The following CALD1 variants were observed in gnomAD, a reference collection of about 807,000 sequenced individuals.
The protein encoded by CALD1 is caldesmon 1.
A neutral mutation model predicts 99.9 loss-of-function variants in CALD1; 33 were observed. That is an observed-to-expected ratio of 0.33 (90% CI 0.25 to 0.44). The LOEUF (loss-of-function observed/expected upper bound fraction) is 0.44, where lower values mean the gene tolerates loss of function less well. Ranked by LOEUF, CALD1 falls within the 20% of genes least tolerant of loss-of-function variation. The pLI is 1.00. For missense variants in CALD1, 861 were observed against 962.1 expected (o/e 0.89, Z 1.39); for synonymous variants, 310 against 325.0 (o/e 0.95, Z 0.50).
chr7:134,882,874 G>C lies in CALD1; in HGVS notation c.71+15070G>C, dbSNP rs373793506. Among the ~76,000 whole-genome samples the C allele has an allele frequency of 2.6e-5, 4 of 152,190 alleles. No homozygotes were observed. In the East Asian group the frequency reaches 5.8e-4, roughly 22 times the overall value. On this transcript the variant is annotated intron_variant, in intron 3 of 14. Coordinates refer to ENST00000361675, the MANE Select transcript of CALD1 (RefSeq NM_033138.4). ...AGAAAAAGAAGAAAGTAATACATTA[G>C]AGCCCAATACTTTTTAATCAAGATA...
intron 3 of CALD1, among the ~76,000 whole-genome samples, chr7:134,899,298 G>A (rs987426309): frequency 1.3e-5 from 2 of 151,454 alleles, no homozygotes; most frequent in Admixed American, 6.6e-5. Context: ...CTGCCTCTCA[G>A]GTTCAAGCGA....
intron 2 of CALD1, among the ~76,000 whole-genome samples, chr7:134,856,070 G>C (rs1224079971): frequency 1.3e-5 from 2 of 152,212 alleles, no homozygotes; most frequent in Non-Finnish European, 2.9e-5. Context: ...TGCTGGAACA[G>C]CTTTCTTGTT....
At chr7:134,864,108 T>C (rs10247845) in intron 2 of CALD1, among the ~76,000 whole-genome samples, 100,154 of 151,860 alleles carry the variant, frequency 0.66, 33,492 homozygotes, top group East Asian at 0.94. Context: ...CCCAGCACTT[T>C]GGGAGGCCGA....
chr7:134,846,523 A>C (rs933028222), intron 2 of CALD1, among the ~76,000 whole-genome samples: 1 of 152,234 alleles, frequency 6.6e-6, no homozygotes, highest in African/African-American at 2.4e-5. Flanking sequence ...CCCTGCTAGC[A>C]TGATGCAAAT....
intron 1 of CALD1, among the ~76,000 whole-genome samples, chr7:134,818,071 A>G (rs982523561): frequency 4.6e-5 from 7 of 152,180 alleles, no homozygotes; most frequent in Non-Finnish European, 8.8e-5. Context: ...TTCCTTGAAG[A>G]AAGAGGCAAG....
chr7:134,902,973 T>C (rs1405975882), intron 3 of CALD1, among the ~76,000 whole-genome samples: 1 of 152,068 alleles, frequency 6.6e-6, no homozygotes, highest in African/African-American at 2.4e-5. Flanking sequence ...AATAGAATAT[T>C]ACTCAGAACC....
At chr7:134,866,703 T>A (rs1800815728) in intron 2 of CALD1, 2 of 152,154 alleles carry the variant, frequency 1.3e-5, no homozygotes, top group African/African-American at 4.8e-5. Context: ...CATGTGCACA[T>A]AAAGGGCTGG....
chr7:134,947,599 C>A lies in CALD1; in HGVS notation c.1624C>A (p.Arg542Ser). The change falls in exon 8 of 15, where the codon CGT becomes AGT. Residue 542 changes from arginine (R) to serine (S), a missense_variant. Coordinates refer to ENST00000361675, the MANE Select transcript of CALD1 (RefSeq NM_033138.4). ...AGKRLEELRR[R>S]RGETESEEFE... is the part of the protein sequence containing the mutation. ...CAAAAGGCTGGAGGAGCTTCGTCGT[C>A]GTCGCGGGGAGACCGAGAGCGAAGA... 5.1e-6 allele frequency: 8 copies of A among 1,561,402 alleles called. No individual in the cohort carries two copies. The highest frequency in any genetic ancestry group is 6.9e-6 in the Non-Finnish European group (8 of 1,152,482).
chr7:134,960,414 G>C, intron 12 of CALD1, 119 bp from the exon 13 acceptor site: 1 of 722,762 alleles, frequency 1.4e-6, no homozygotes, highest in Admixed American at 2.3e-5. Context: ...AATATCAAGT[G>C]TTAAGGTTTA....
chr7:134,938,097 A>G (rs1173604052), intron 6 of CALD1, among the ~76,000 whole-genome samples: 1 of 152,210 alleles, frequency 6.6e-6, no homozygotes, highest in Non-Finnish European at 1.5e-5. Flanking sequence ...ATCTGATTCC[A>G]TGAGGTCCAT....
At chr7:134,716,581 A>G in the CALD1 span, among the ~76,000 whole-genome samples, 1 of 152,360 alleles carries the variant, frequency 6.6e-6, no homozygotes, top group African/African-American at 2.4e-5. Context: ...AAATATAAGC[A>G]AAAATATAAA....
intron 1 of CALD1, among the ~76,000 whole-genome samples, chr7:134,825,340 T>C (rs1480936835): frequency 6.6e-6 from 1 of 152,220 alleles, no homozygotes; most frequent in Non-Finnish European, 1.5e-5. Context: ...TAAGAGAATG[T>C]AATGTACCCG....
chr7:134,914,654 G>A (rs1804071847), intron 3 of CALD1, among the ~76,000 whole-genome samples: 1 of 152,132 alleles, frequency 6.6e-6, no homozygotes, highest in Non-Finnish European at 1.5e-5. Flanking sequence ...AGATGGAATT[G>A]TGTGCTTTTC....
At chr7:134,772,349 C>A (rs1405890310) in intron 1 of CALD1, among the ~76,000 whole-genome samples, 1 of 152,172 alleles carries the variant, frequency 6.6e-6, no homozygotes, top group Non-Finnish European at 1.5e-5. Context: ...CCTGCCTCAG[C>A]CTCCCAAAAT....
chr7:134,792,872 T>G (rs1452400425), intron 1 of CALD1, among the ~76,000 whole-genome samples: 1 of 152,244 alleles, frequency 6.6e-6, no homozygotes, highest in Non-Finnish European at 1.5e-5. Flanking sequence ...CCACTGGGTC[T>G]AAGGGAATGC....
chr7:134,783,496 C>A lies in CALD1; in HGVS notation c.-130+3747C>A, dbSNP rs1393832660. Reference sequence around the variant, plus strand: ...GTCAGAGCATGTTTTGTGGTAAGGACCCACTCTGCTTCTCACCCCAAACTC... The same window carrying A: ...GTCAGAGCATGTTTTGTGGTAAGGAACCACTCTGCTTCTCACCCCAAACTC... On this transcript the variant is annotated intron_variant, in intron 1 of 14. Transcript: ENST00000361675. The surrounding 1 kb of genome is among the most constrained non-coding windows in gnomAD (Gnocchi z 4.3). 1.3e-5 allele frequency among the ~76,000 whole-genome samples: 2 copies of A among 152,102 alleles called. No homozygotes were observed. The highest frequency in any genetic ancestry group is 6.5e-5 in the Admixed American group (1 of 15,272).
rs1391884378 is a variant in CALD1 at position 134,965,330 on chromosome 7, A to G, written c.2320A>G (p.Ser774Gly). ...PSDLRPGDVS[S>G]KRNLWEKQSV... ...GGACTTGAGACCAGGAGACGTATCC[A>G]GCAAGCGGAACCTCTGGGAAAAGCA... The change falls in exon 14 of 15, where the codon AGC becomes GGC. Residue 774 changes from serine (S) to glycine (G), a missense_variant. Physicochemically the swap from Ser to Gly is moderately conservative, Grantham distance 56 (BLOSUM62 0). Around this residue, in one of 5 missense-constraint regions of CALD1, gnomAD observed 190 missense variants for 249.0 expected, o/e 0.76. Transcript: ENST00000361675. 9 of 1,593,364 alleles carry G rather than the reference A, an allele frequency of 5.6e-6. No homozygotes were observed. Among genetic ancestry groups the G allele is most frequent in the African/African-American group, 1.3e-5 (1 of 74,532 alleles).
In CALD1 at chr7:134,783,848, G is replaced by A. The variant is rs1279216299; in HGVS notation, c.-130+4099G>A. On this transcript the variant is annotated intron_variant, in intron 1 of 14. Transcript: ENST00000361675. This position sits in a 1 kb window ranked among gnomAD's most constrained non-coding sequence, Gnocchi z 4.3. ...TGATCTGGAAGGAAGAAAAGAGGGG[G>A]TAAATACACAGATATATAGGTGGAG... Among the ~76,000 whole-genome samples, 2 of 152,036 alleles carry A rather than the reference G, an allele frequency of 1.3e-5. No homozygotes were observed. Among genetic ancestry groups the A allele is most frequent in the African/African-American group, 2.4e-5 (1 of 41,388 alleles).
At chr7:134,725,244 C>T in the CALD1 span, among the ~76,000 whole-genome samples, 1 of 152,162 alleles carries the variant, frequency 6.6e-6, no homozygotes, top group Non-Finnish European at 1.5e-5. Context: ...TTCAATATTT[C>T]TGGATCTTAG....
Sources: gnomAD v4.1 joint callset for allele counts (sites outside exome capture counted in the v4.1 genomes callset) on GRCh38, gnomAD v4.1.1 for gene constraint, gnomAD v4.1.1 regional missense constraint, Gnocchi (gnomAD v3.1) non-coding constraint, MANE v1.5 for transcripts, NCBI Gene and HGNC (gene_info 2026-07-23, HGNC 2026-07-21) for gene names.